The following RASA3 variants were observed in gnomAD, a reference collection of about 807,000 sequenced individuals.
The protein encoded by RASA3 is RAS p21 protein activator 3, also known as ras GTPase-activating protein 3.
Under a neutral mutation model 110.0 loss-of-function variants are expected in RASA3, and 73 were observed. The observed-to-expected ratio is 0.66, with a 90% CI of 0.55 to 0.81. RASA3 has a LOEUF of 0.81. RASA3 is among the 30% of genes least tolerant of loss of function. RASA3 has a pLI of 0.00. For missense variants in RASA3, 976 were observed against 1,113.2 expected (o/e 0.88, Z 1.75); for synonymous variants, 500 against 451.4 (o/e 1.11, Z -1.37).
chr13:113,998,823 G>T lies in RASA3; in HGVS notation c.1932+762C>A, dbSNP rs139583422. ...GCTGGGAGTGTCCAGTGGGCCAGACGGAGGGGGCAGCAGAATGCAGCGCAG... is the reference window on the plus strand; with the variant it reads ...GCTGGGAGTGTCCAGTGGGCCAGACTGAGGGGGCAGCAGAATGCAGCGCAG... On this transcript the variant is annotated intron_variant, in intron 20 of 23. Coordinates refer to ENST00000334062, the MANE Select transcript of RASA3 (RefSeq NM_007368.4). Among the ~76,000 whole-genome samples the T allele has an allele frequency of 1.6e-3, 247 of 152,368 alleles. 2 individuals carry two copies. Among genetic ancestry groups the T allele is most frequent in the African/African-American group, 5.8e-3 (243 of 41,588 alleles).
chr13:114,128,874 C>G (rs1006434674), intron 1 of RASA3, among the ~76,000 whole-genome samples: 3 of 152,180 alleles, frequency 2.0e-5, no homozygotes, highest in Admixed American at 6.5e-5. Context: ...TCCAGCTCGA[C>G]GGCAGGGTCA....
intron 1 of RASA3, among the ~76,000 whole-genome samples, chr13:114,076,959 G>A (rs2079695373): frequency 6.6e-6 from 1 of 152,138 alleles, no homozygotes; most frequent in African/African-American, 2.4e-5. Flanking sequence ...TTGTCTTTGG[G>A]AGTTTTTTGT....
intron 20 of RASA3, among the ~76,000 whole-genome samples, chr13:113,997,136 G>A (rs1472291099): frequency 6.6e-6 from 1 of 152,214 alleles, no homozygotes; most frequent in Non-Finnish European, 1.5e-5. Context: ...TCCACGTGGT[G>A]CTCGTGCTGT....
At chr13:114,125,439 G>A (rs1360235238) in intron 1 of RASA3, among the ~76,000 whole-genome samples, 1 of 152,138 alleles carries the variant, frequency 6.6e-6, no homozygotes, top group African/African-American at 2.4e-5. Context: ...GCGGGGGCAA[G>A]AGCGCGAGGT....
At position 113,981,840 on chromosome 13, in the gene RASA3, G is replaced by C. The variant is rs2052943480; in HGVS notation, c.2264C>G (p.Ser755Cys). Residue 755 changes from serine (S) to cysteine (C), a missense_variant, in exon 23 of 24, where the codon TCT becomes TGT. Physicochemically the swap from Ser to Cys is moderately radical, Grantham distance 112. This residue lies in a region of RASA3 where 132 missense variants were observed against 152.8 expected (regional missense o/e 0.86). Transcript: ENST00000334062. ...CTCCTGCTCCGGGCCGTCATACACA[G>C]ATTTGCTCCCACAGGCCTCTGTGGA... Reference protein sequence around the residue: ...EKMQEACGSKSVYDGPEQEEY... With the variant: ...EKMQEACGSKCVYDGPEQEEY... The C allele has an allele frequency of 6.2e-7, 1 of 1,613,700 alleles. No homozygotes were observed. The highest frequency in any genetic ancestry group is 8.5e-7 in the Non-Finnish European group (1 of 1,179,938).
chr13:114,020,461 C>T (rs146901414), intron 9 of RASA3, among the ~76,000 whole-genome samples: 49 of 152,322 alleles, frequency 3.2e-4, no homozygotes, highest in Admixed American at 5.9e-4. Flanking sequence ...GTGCCCGTGC[C>T]GTCTTCGTAG....
chr13:114,111,908 C>T (rs2080225103), intron 1 of RASA3, among the ~76,000 whole-genome samples: 1 of 152,138 alleles, frequency 6.6e-6, no homozygotes, highest in Non-Finnish European at 1.5e-5. Flanking sequence ...GGGGTTGGGG[C>T]CCATCAACTT....
chr13:114,104,291 T>C (rs35825428), intron 1 of RASA3, among the ~76,000 whole-genome samples: 10,209 of 17,742 alleles, frequency 0.58, 4,216 homozygotes, highest in Non-Finnish European at 0.66. Flanking sequence ...GTCCACGCTG[T>C]CCCCGGCCAC....
At chr13:113,991,259 T>C (rs559712898) in intron 22 of RASA3, among the ~76,000 whole-genome samples, 5 of 150,184 alleles carry the variant, frequency 3.3e-5, no homozygotes, top group Non-Finnish European at 5.9e-5. Context: ...CCAGGGCGTG[T>C]GGGGCTGGAG....
chr13:114,087,576 G>A (rs981290416), intron 1 of RASA3, among the ~76,000 whole-genome samples: 5 of 152,220 alleles, frequency 3.3e-5, no homozygotes, highest in Non-Finnish European at 5.9e-5. Context: ...CTGCAGCCCC[G>A]GCCTGCGCCT....
At chr13:114,053,433 A>AC (rs1435683325) in intron 2 of RASA3, among the ~76,000 whole-genome samples, 1 of 152,244 alleles carries the variant, frequency 6.6e-6, no homozygotes, top group African/African-American at 2.4e-5. Flanking sequence ...CACAGCTACC[A>AC]CCAACTCAGA....
At chr13:114,040,043 TC>T in intron 4 of RASA3, among the ~76,000 whole-genome samples, 1 of 152,356 alleles carries the variant, frequency 6.6e-6, no homozygotes, top group Non-Finnish European at 1.5e-5. Context: ...GCTCGGCCCT[TC>T]CCCACCCATG....
intron 1 of RASA3, among the ~76,000 whole-genome samples, chr13:114,076,629 G>A (rs760977540): frequency 1.3e-5 from 2 of 152,230 alleles, no homozygotes; most frequent in Non-Finnish European, 1.5e-5. Flanking sequence ...TCACAGGCAC[G>A]AAGGGGAGAA....
intron 2 of RASA3, among the ~76,000 whole-genome samples, chr13:114,061,460 A>G (rs934133495): frequency 3.9e-5 from 6 of 151,982 alleles, no homozygotes; most frequent in African/African-American, 7.2e-5. Context: ...CATGAGGTCA[A>G]GAGATTGAGA....
At chr13:114,070,738 G>A (rs1261640022) in intron 2 of RASA3, among the ~76,000 whole-genome samples, 20 of 139,688 alleles carry the variant, frequency 1.4e-4, no homozygotes, top group East Asian at 6.6e-4. Context: ...GGCTGCCGGC[G>A]TCCACGCTAA....
intron 1 of RASA3, among the ~76,000 whole-genome samples, chr13:114,126,857 A>G (rs1368253314): frequency 6.6e-6 from 1 of 152,206 alleles, no homozygotes; most frequent in African/African-American, 2.4e-5. Context: ...GTCATCTAAA[A>G]TCAAAGAATT....
intron 1 of RASA3, among the ~76,000 whole-genome samples, chr13:114,101,772 AG>A (rs1402977952): frequency 6.6e-6 from 1 of 152,166 alleles, no homozygotes; most frequent in Non-Finnish European, 1.5e-5. Flanking sequence ...TGGGGGTGAG[AG>A]GCTTGTGGGC....
At chr13:114,060,181 G>A (rs1231499783) in intron 2 of RASA3, among the ~76,000 whole-genome samples, 1 of 152,224 alleles carries the variant, frequency 6.6e-6, no homozygotes, top group Non-Finnish European at 1.5e-5. Context: ...CAAGGAGAAG[G>A]CTGACGTGGC....
intron 4 of RASA3, among the ~76,000 whole-genome samples, chr13:114,034,579 G>A (rs1249271288): frequency 1.3e-5 from 2 of 152,218 alleles, no homozygotes; most frequent in African/African-American, 2.4e-5. Context: ...GTGTGCTTTC[G>A]TCTTCTGCTG....
Sources: allele counts gnomAD v4.1 joint callset (sites outside exome capture counted in the v4.1 genomes callset), GRCh38; gene constraint gnomAD v4.1.1; regional missense constraint gnomAD v4.1.1; transcripts MANE v1.5; gene names NCBI Gene and HGNC (gene_info 2026-07-23, HGNC 2026-07-21).